The following ARHGAP4 variants were observed in gnomAD, a reference collection of about 807,000 sequenced individuals.
ARHGAP4 encodes the protein rho GTPase-activating protein 4.
ARHGAP4 carries 25 observed loss-of-function variants against 67.6 expected under a neutral mutation model. That is an observed-to-expected ratio of 0.37 (90% CI 0.27 to 0.52). The LOEUF is 0.52. ARHGAP4 is among the 20% of genes least tolerant of loss of function. ARHGAP4 has a pLI of 0.92. For missense variants in ARHGAP4, 804 were observed against 854.6 expected (o/e 0.94, Z 0.74); for synonymous variants, 448 against 373.7 (o/e 1.20, Z -2.29).
Position 153,921,641 on chromosome X carries a change from C to A in ARHGAP4, c.236G>T (p.Gly79Val), listed in dbSNP as rs1403132680. The A allele has an allele frequency of 1.6e-5, 19 of 1,210,056 alleles. No homozygotes were observed. Among genetic ancestry groups the A allele is most frequent in the Non-Finnish European group, 2.1e-5 (19 of 894,996 alleles). Reference sequence around the variant, plus strand: ...GTGCTCCCGGCTGCTCCCCAGGCGGCCTCCACGGCTGGAGAAGCGCTCGGC... The same window carrying A: ...GTGCTCCCGGCTGCTCCCCAGGCGGACTCCACGGCTGGAGAAGCGCTCGGC... ...KLAERFSSRG[G>V]RLGSSREHQS... The change falls in exon 2 of 22, where the codon GGC becomes GTC. Residue 79 changes from glycine to valine, a missense_variant. Coordinates refer to ENST00000350060, the MANE Select transcript of ARHGAP4 (RefSeq NM_001666.5).
In ARHGAP4 at chrX:153,910,905, G is replaced by T; in HGVS notation, c.1681+17C>A. ...TCTGCCCGAGCCCCCACCCCCGCCC[G>T]CCCTGCCCGTCCCCACCTCTCTCGA... On this transcript the variant is annotated intron_variant, in intron 14 of 21. Transcript: ENST00000350060. 2.4e-6 allele frequency: 1 copy of T among 414,872 alleles called. No homozygotes were observed. The highest frequency in any genetic ancestry group is 3.3e-6 in the Non-Finnish European group (1 of 304,178). 34.2% of individuals were successfully genotyped at this position (414,872 alleles called of 1,213,427 possible). A position where few individuals can be genotyped will look rare whatever the true frequency, so the allele number is the denominator to read the frequency against.
intron 11 of ARHGAP4, 25 bp from the exon 12 acceptor site, chrX:153,912,827 G>A (rs1232489277): frequency 8.5e-7 from 1 of 1,170,891 alleles, no homozygotes; most frequent in African/African-American, 1.8e-5. Context: ...AGCTGGCTCT[G>A]AGGGGGCCAG....
chrX:153,925,657 C>T (rs782256149), intron 1 of ARHGAP4, among the ~76,000 whole-genome samples: 6 of 112,408 alleles, frequency 5.3e-5, no homozygotes, highest in Non-Finnish European at 1.1e-4. Context: ...TCTGCTCCCC[C>T]TCAGTGCTAA....
chrX:153,922,521 C>A (rs2065102882), intron 1 of ARHGAP4: 1 of 608,241 alleles, frequency 1.6e-6, no homozygotes, highest in Admixed American at 9.2e-5. Flanking sequence ...GGGCCCCATA[C>A]TGCCGGCCTT....
chrX:153,925,921 G>A (rs782574459), intron 1 of ARHGAP4, among the ~76,000 whole-genome samples: 1 of 113,092 alleles, frequency 8.8e-6, no homozygotes, highest in African/African-American at 3.2e-5. Context: ...ACCAAAGGAA[G>A]GAAGACAGGA....
At chrX:153,915,386 C>T (rs1365914702) in intron 7 of ARHGAP4, among the ~76,000 whole-genome samples, 1 of 111,835 alleles carries the variant, frequency 8.9e-6, no homozygotes, top group Non-Finnish European at 1.9e-5. Flanking sequence ...ATGTTTTATG[C>T]TATGTGTATT....
chrX:153,914,040 G>A (rs1397613474), intron 7 of ARHGAP4, 161 bp from the exon 8 acceptor site: 17 of 465,082 alleles, frequency 3.7e-5, no homozygotes, highest in South Asian at 2.6e-4. Context: ...GTGAACACAC[G>A]TGTCCAAACC....
At chrX:153,919,399 G>A in intron 5 of ARHGAP4, 116 bp from the exon 6 acceptor site, 2 of 1,167,815 alleles carry the variant, frequency 1.7e-6, no homozygotes, top group South Asian at 1.9e-5. Context: ...ACCTGAACTG[G>A]TCAAGCCCAG....
At chrX:153,920,475 G>T in intron 5 of ARHGAP4, 151 bp downstream of exon 5, 1 of 642,642 alleles carries the variant, frequency 1.6e-6, no homozygotes, top group Non-Finnish European at 2.3e-6. Context: ...GGCCCTGGGA[G>T]CCTTCCGTAT....
At chrX:153,926,092 G>C in intron 1 of ARHGAP4, 44 bp downstream of exon 1, 1 of 1,192,945 alleles carries the variant, frequency 8.4e-7, no homozygotes, top group Non-Finnish European at 1.1e-6. Context: ...ACGACCTTGG[G>C]TTCTCCGCAG....
chrX:153,922,974 T>A (rs2065105562), intron 1 of ARHGAP4, among the ~76,000 whole-genome samples: 1 of 110,067 alleles, frequency 9.1e-6, no homozygotes, highest in Non-Finnish European at 1.9e-5. Flanking sequence ...GACCTCTTTT[T>A]AAAGGAGGGT....
Position 153,910,287 on chromosome X carries a change from C to A in ARHGAP4, c.2040G>T (p.Val680=), listed in dbSNP as rs1557102703. Residue 680 remains valine, a synonymous_variant, in exon 17 of 22, where the codon GTG becomes GTT. Coordinates refer to ENST00000350060, the MANE Select transcript of ARHGAP4 (RefSeq NM_001666.5). ...GQDPVALQGR[V]NQLVQTLIVQ... ...CTATGAGCGTCTGCACCAGCTGGTT[C>A]ACCCGGCCCTGCAGCGCCACCGGGT... 15 of 1,209,962 alleles carry A rather than the reference C, an allele frequency of 1.2e-5. No homozygotes were observed. The highest frequency in any genetic ancestry group is 1.7e-5 in the Non-Finnish European group (15 of 894,899).
rs782494446 is a variant in ARHGAP4 at position 153,909,066 on chromosome X, T to C, written c.2607+4A>G. The C allele has an allele frequency of 2.2e-5, 26 of 1,208,657 alleles. 1 individual carries two copies. The highest frequency in any genetic ancestry group is 2.3e-4 in the Middle Eastern group (1 of 4,374). On this transcript the variant is annotated splice_donor_region_variant and intron_variant, in intron 21 of 21. Transcript: ENST00000350060. ...TCCCTCACCTGCCACACACCCACTC[T>C]CACCTTATCCACCTCCACGTGTTGC... is the stretch of plus-strand genomic sequence containing the variant.
rs781894084 is a variant in ARHGAP4, at chrX:153,921,653, G to A, written c.224C>T (p.Ser75Phe). ...GCTCCCCAGGCGGCCTCCACGGCTG[G>A]AGAAGCGCTCGGCCAGCTTTTCCAG... ...RGLEKLAERFSSRGGRLGSSR... is the reference protein window; with the variant it reads ...RGLEKLAERFFSRGGRLGSSR... Residue 75 changes from serine (S) to phenylalanine (F), a missense_variant, in exon 2 of 22, where the codon TCC (serine) becomes TTC (phenylalanine). Around this residue, in one of 2 missense-constraint regions of ARHGAP4, gnomAD observed 404 missense variants for 505.9 expected, o/e 0.80. Coordinates refer to ENST00000350060, the MANE Select transcript of ARHGAP4 (RefSeq NM_001666.5). 1 of 1,209,744 alleles carries A rather than the reference G, an allele frequency of 8.3e-7. No homozygotes were observed.
At chrX:153,919,461 C>T in intron 5 of ARHGAP4, 178 bp from the exon 6 acceptor site, 1 of 1,112,916 alleles carries the variant, frequency 9.0e-7, no homozygotes, top group Non-Finnish European at 1.2e-6. Flanking sequence ...CAGCCCAGTG[C>T]CAGGAGGTGA....
chrX:153,910,493 C>T lies in ARHGAP4; in HGVS notation c.1922+13G>A, dbSNP rs1198097577. The T allele has an allele frequency of 8.3e-7, 1 of 1,199,364 alleles. No individual in the cohort carries two copies. Among genetic ancestry groups the T allele is most frequent in the Non-Finnish European group, 1.1e-6 (1 of 890,012 alleles). On this transcript the variant is annotated intron_variant, in intron 16 of 21. Transcript: ENST00000350060. ...CCTGGCCCCCACCCCAGCACTCGCC[C>T]CGCAGCACTCACTGGTTGAGGAAGG...
At position 153,910,847 on chromosome X, in the gene ARHGAP4, G is replaced by A. The variant is rs370620692; in HGVS notation, c.1682-13C>T. The stretch of plus-strand genomic sequence containing the variant: ...AGTGGGTCCTCCCCTGCAGATGGGC[G>A]AGTGGTGCGGTAGGGGGAGGAAGCT... On this transcript the variant is annotated splice_polypyrimidine_tract_variant and intron_variant, in intron 14 of 21. Coordinates refer to ENST00000350060, the MANE Select transcript of ARHGAP4 (RefSeq NM_001666.5). 1.9e-4 allele frequency: 225 copies of A among 1,187,059 alleles called. 1 individual carries two copies. The highest frequency in any genetic ancestry group is 7.2e-4 in the South Asian group (38 of 52,962).
intron 11 of ARHGAP4, 39 bp downstream of exon 11, chrX:153,912,985 C>A (rs782598065): frequency 8.9e-7 from 1 of 1,128,743 alleles, no homozygotes. Flanking sequence ...GAAGAGATGG[C>A]GGACCGTCGC....
Position 153,909,483 on chromosome X carries a change from T to C in ARHGAP4, c.2467A>G (p.Ser823Gly). 3.3e-6 allele frequency: 4 copies of C among 1,209,509 alleles called. No individual in the cohort carries two copies. In the South Asian group the frequency reaches 7.1e-5, roughly 21 times the overall value. ...AGLQTAGESG[S>G]SPEGLLASEL... ...GATGCCAGGAGGCCCTCGGGACTGC[T>C]CCCAGACTCCCCTGCAGTCTGCAGC... is the stretch of plus-strand genomic sequence containing the variant. Residue 823 changes from serine (S) to glycine (G), a missense_variant, in exon 20 of 22, where the codon AGC becomes GGC. This residue lies in a region of ARHGAP4 where 400 missense variants were observed against 348.7 expected (regional missense o/e 1.15). Coordinates refer to ENST00000350060, the MANE Select transcript of ARHGAP4 (RefSeq NM_001666.5).
Sources: gnomAD v4.1 joint callset for allele counts (sites outside exome capture counted in the v4.1 genomes callset) on GRCh38, gnomAD v4.1.1 for gene constraint, gnomAD v4.1.1 regional missense constraint, MANE v1.5 for transcripts, NCBI Gene and HGNC (gene_info 2026-07-23, HGNC 2026-07-21) for gene names.